ARFGEF2: variants seen among roughly 807,000 people sequenced by gnomAD.
ARFGEF2 encodes the protein ARF guanine nucleotide exchange factor 2.
Under a neutral mutation model 219.9 loss-of-function variants are expected in ARFGEF2, and 74 were observed. The observed-to-expected ratio is 0.34, with a 90% confidence interval of 0.28 to 0.41. ARFGEF2 has a LOEUF of 0.41. ARFGEF2 is among the 10% of genes least tolerant of loss of function. The pLI is 1.00. For missense variants in ARFGEF2, 1,743 were observed against 2,218.3 expected (o/e 0.79, Z 4.30); for synonymous variants, 733 against 799.2 (o/e 0.92, Z 1.40).
intron 37 of ARFGEF2, 78 bp from the exon 38 acceptor site, chr20:49,031,971 C>T (rs2091638457): frequency 9.7e-7 from 1 of 1,031,456 alleles, no homozygotes; most frequent in Non-Finnish European, 1.5e-6. Context: ...AAAAATAGCA[C>T]AAGAATGAAT....
chr20:48,971,204 C>T lies in ARFGEF2; in HGVS notation c.1275C>T (p.His425=), dbSNP rs117131028. 7.1e-4 allele frequency: 1,138 copies of T among 1,614,158 alleles called. 21 individuals carry two copies. In the East Asian group the frequency reaches 0.023, roughly 32 times the overall value. ...ATGCTGGCCCCGTATTCAGGACTCACGAGATGTTCATCAATGCAATCAAGC... is the reference window on the plus strand; with the variant it reads ...ATGCTGGCCCCGTATTCAGGACTCATGAGATGTTCATCAATGCAATCAAGC... ...LQNAGPVFRT[H]EMFINAIKQY... is the part of the protein sequence containing the mutation. The change falls in exon 10 of 39, where the codon CAC becomes CAT. Residue 425 remains histidine, a synonymous_variant. Coordinates refer to ENST00000371917, the MANE Select transcript of ARFGEF2 (RefSeq NM_006420.3).
chr20:49,005,257 T>A (rs200840745), intron 26 of ARFGEF2, 36 bp downstream of exon 26: 4 of 1,613,354 alleles, frequency 2.5e-6, no homozygotes. Context: ...TTGGTCAAAT[T>A]CCCCGTTGGG....
chr20:49,024,402 G>T (rs1022842536), intron 35 of ARFGEF2, among the ~76,000 whole-genome samples: 1 of 152,190 alleles, frequency 6.6e-6, no homozygotes, highest in African/African-American at 2.4e-5. Flanking sequence ...AGTGAGGCAG[G>T]CTGGGTAAGG....
At chr20:49,011,315 G>A (rs1385316264) in intron 27 of ARFGEF2, among the ~76,000 whole-genome samples, 1 of 152,166 alleles carries the variant, frequency 6.6e-6, no homozygotes, top group Non-Finnish European at 1.5e-5. Context: ...TTCCCTAAGA[G>A]CCATGGTTCA....
At chr20:49,030,573 TCA>T (rs965464349) in intron 37 of ARFGEF2, among the ~76,000 whole-genome samples, 31 of 152,114 alleles carry the variant, frequency 2.0e-4, no homozygotes, top group African/African-American at 7.5e-4. Flanking sequence ...TTTACATATA[TCA>T]GTTACCTTAC....
At chr20:49,027,022 G>C (rs1252813593) in intron 36 of ARFGEF2, among the ~76,000 whole-genome samples, 2 of 151,434 alleles carry the variant, frequency 1.3e-5, no homozygotes, top group Non-Finnish European at 2.9e-5. Flanking sequence ...AGAGTCGTTT[G>C]CATATCTCTT....
At chr20:48,989,074 A>C (rs1682791915) in intron 18 of ARFGEF2, among the ~76,000 whole-genome samples, 1 of 152,094 alleles carries the variant, frequency 6.6e-6, no homozygotes, top group Admixed American at 6.5e-5. Context: ...CAGCTCCTCT[A>C]CTTAGTAATT....
chr20:49,004,561 G>A (rs570112061), intron 25 of ARFGEF2, among the ~76,000 whole-genome samples: 6 of 151,872 alleles, frequency 4.0e-5, no homozygotes, highest in African/African-American at 1.4e-4. Context: ...AGCACTTTGG[G>A]AGGCCAAGGC....
intron 14 of ARFGEF2, among the ~76,000 whole-genome samples, chr20:48,977,561 C>T (rs1487294302): frequency 1.3e-5 from 2 of 152,200 alleles, no homozygotes; most frequent in Non-Finnish European, 2.9e-5. Context: ...CACTGTCTTC[C>T]ACAATGGTTG....
intron 33 of ARFGEF2, among the ~76,000 whole-genome samples, chr20:49,018,046 T>C (rs548922318): frequency 6.6e-6 from 1 of 152,256 alleles, no homozygotes; most frequent in Admixed American, 6.5e-5. Context: ...ACCAAAGAAG[T>C]GGTAGTTCTT....
chr20:48,951,055 C>T (rs942234701), intron 3 of ARFGEF2, among the ~76,000 whole-genome samples: 12 of 151,746 alleles, frequency 7.9e-5, no homozygotes, highest in African/African-American at 1.7e-4. Flanking sequence ...CTATTAATTC[C>T]TCAGGCTTGC....
intron 6 of ARFGEF2, 106 bp downstream of exon 6, chr20:48,953,896 C>A: frequency 9.0e-7 from 1 of 1,108,050 alleles, no homozygotes; most frequent in Non-Finnish European, 1.3e-6. Context: ...CCTCTGATAA[C>A]AGCTTATCTC....
At chr20:48,946,058 C>T (rs1261260726) in intron 3 of ARFGEF2, among the ~76,000 whole-genome samples, 1 of 152,114 alleles carries the variant, frequency 6.6e-6, no homozygotes, top group Non-Finnish European at 1.5e-5. Context: ...TGGTGGCTGC[C>T]CTTGCCAAGC....
chr20:48,998,240 A>AT lies in ARFGEF2; in HGVS notation c.3262+10dup. 6.2e-7 allele frequency: 1 copy of AT among 1,613,924 alleles called. No individual in the cohort carries two copies. Among genetic ancestry groups the AT allele is most frequent in the Non-Finnish European group, 8.5e-7 (1 of 1,179,814 alleles). ...CTGGATGGAAATGCAATAGGTATGT[A>AT]TTTGACTTACCTGTGAAAACTGCAG... On this transcript the variant is annotated splice_region_variant and intron_variant, in intron 24 of 38. Coordinates refer to ENST00000371917, the MANE Select transcript of ARFGEF2 (RefSeq NM_006420.3).
In ARFGEF2 at chr20:49,035,489, T is replaced by A. The variant is rs1242052432; in HGVS notation, c.*2290T>A. ...CAGTGGACAGTGACGAACAGAGATT[T>A]GAAATCCCTTACCTCCAATAATAAG... On this transcript the variant is annotated 3_prime_UTR_variant, in exon 39 of 39. Transcript: ENST00000371917. 6.6e-6 allele frequency: 1 copy of A among 152,228 alleles called. No homozygotes were observed. Among genetic ancestry groups the A allele is most frequent in the African/African-American group, 2.4e-5 (1 of 41,460 alleles). 9.4% of individuals were successfully genotyped at this position (152,228 alleles called of 1,614,324 possible).
intron 6 of ARFGEF2, among the ~76,000 whole-genome samples, chr20:48,956,980 A>G (rs577105456): frequency 6.6e-5 from 10 of 152,168 alleles, no homozygotes; most frequent in African/African-American, 2.2e-4. Flanking sequence ...CCGCCCCACC[A>G]TCCCCCATGC....
intron 26 of ARFGEF2, among the ~76,000 whole-genome samples, chr20:49,009,296 C>T (rs2091481840): frequency 6.6e-6 from 1 of 151,988 alleles, no homozygotes; most frequent in South Asian, 2.1e-4. Flanking sequence ...ATGGCCTTTC[C>T]TGTTATTGGT....
chr20:48,979,001 C>CA, intron 14 of ARFGEF2, among the ~76,000 whole-genome samples: 1 of 152,264 alleles, frequency 6.6e-6, no homozygotes, highest in African/African-American at 2.4e-5. Context: ...CCAGAACTCC[C>CA]AACACTGTGT....
At chr20:48,995,252 G>C (rs1052473564) in intron 22 of ARFGEF2, among the ~76,000 whole-genome samples, 12 of 152,208 alleles carry the variant, frequency 7.9e-5, no homozygotes, top group African/African-American at 2.9e-4. Flanking sequence ...GGCAGAGGTA[G>C]GATTCAAGCC....
Sources: allele counts gnomAD v4.1 joint callset (sites outside exome capture counted in the v4.1 genomes callset), GRCh38; gene constraint gnomAD v4.1.1; transcripts MANE v1.5; gene names NCBI Gene and HGNC (gene_info 2026-07-23, HGNC 2026-07-21).